FMN2: variants seen among roughly 807,000 people sequenced by gnomAD.
FMN2 encodes the protein formin 2, also known as formin-2.
FMN2 carries 51 observed loss-of-function variants against 142.3 expected under a neutral mutation model. The observed-to-expected ratio is 0.36, with a 90% CI of 0.29 to 0.45. The LOEUF is 0.45. FMN2 is among the 20% of genes least tolerant of loss of function. FMN2 has a pLI of 1.00. For synonymous variants in FMN2, 882 were observed against 869.8 expected (o/e 1.01, Z -0.25); for missense variants, 1,936 against 2,122.8 (o/e 0.91, Z 1.73).
chr1:240,409,583 A>G (rs908318745), intron 15 of FMN2, among the ~76,000 whole-genome samples: 4 of 152,242 alleles, frequency 2.6e-5, no homozygotes, highest in Non-Finnish European at 5.9e-5. Context: ...ATTACAAGAT[A>G]TGAATTCCCA....
chr1:240,331,116 A>T (rs1284720120), intron 11 of FMN2, among the ~76,000 whole-genome samples: 1 of 139,848 alleles, frequency 7.2e-6, no homozygotes, highest in Non-Finnish European at 1.6e-5. Context: ...TATGAATTAG[A>T]CAGTATATCT....
intron 15 of FMN2, among the ~76,000 whole-genome samples, chr1:240,395,720 C>T (rs1400803256): frequency 1.3e-5 from 2 of 152,142 alleles, no homozygotes; most frequent in African/African-American, 4.8e-5. Context: ...AAAATTTGAA[C>T]AGATGAGGAG....
At chr1:240,370,421 T>G (rs1672824764) in intron 14 of FMN2, among the ~76,000 whole-genome samples, 1 of 152,244 alleles carries the variant, frequency 6.6e-6, no homozygotes. Context: ...ACTTACTTGC[T>G]CATTTCTCTA....
At chr1:240,196,740 T>C (rs1371232401) in intron 4 of FMN2, among the ~76,000 whole-genome samples, 1 of 152,182 alleles carries the variant, frequency 6.6e-6, no homozygotes, top group Non-Finnish European at 1.5e-5. Context: ...CTCAAACTCC[T>C]GACCTCAGGC....
At position 240,093,096 on chromosome 1, in the gene FMN2, G is replaced by A; in HGVS notation, c.987G>A (p.Gly329=). 3.6e-6 allele frequency: 5 copies of A among 1,397,676 alleles called. No individual in the cohort carries two copies. Among genetic ancestry groups the A allele is most frequent in the Non-Finnish European group, 3.7e-6 (4 of 1,085,304 alleles). 86.6% of individuals were successfully genotyped at this position (1,397,676 alleles called of 1,614,324 possible). Residue 329 remains glycine, a synonymous_variant, in exon 1 of 18, where the codon GGG becomes GGA. Transcript: ENST00000319653. ...SSTAFPFPEA[G]PGEEAAGAPV... ...CGGCTTTCCCATTTCCCGAGGCCGG[G>A]CCGGGGGAGGAAGCGGCCGGAGCCC... is the stretch of plus-strand genomic sequence containing the variant.
At chr1:240,146,147 G>T (rs1052570794) in intron 2 of FMN2, among the ~76,000 whole-genome samples, 1 of 151,628 alleles carries the variant, frequency 6.6e-6, no homozygotes, top group Non-Finnish European at 1.5e-5. Context: ...ACTTTGGGAG[G>T]CCAAGGTGGG....
At chr1:240,140,556 C>G (rs893911806) in intron 2 of FMN2, among the ~76,000 whole-genome samples, 2 of 151,942 alleles carry the variant, frequency 1.3e-5, no homozygotes, top group African/African-American at 4.8e-5. Flanking sequence ...ACTGCTGGGG[C>G]CTGCTGTTTT....
intron 14 of FMN2, among the ~76,000 whole-genome samples, chr1:240,390,734 A>G (rs1673579106): frequency 1.3e-5 from 2 of 152,196 alleles, no homozygotes; most frequent in Non-Finnish European, 2.9e-5. Context: ...AATCTGCCTA[A>G]AGTCACAGAG....
At chr1:240,220,251 A>G (rs1667054240) in intron 6 of FMN2, among the ~76,000 whole-genome samples, 2 of 152,128 alleles carry the variant, frequency 1.3e-5, no homozygotes, top group Non-Finnish European at 2.9e-5. Flanking sequence ...TAACAGCAAG[A>G]GTCTCTGACA....
intron 7 of FMN2, among the ~76,000 whole-genome samples, chr1:240,261,185 T>G (rs904641281): frequency 6.6e-6 from 1 of 152,198 alleles, no homozygotes; most frequent in African/African-American, 2.4e-5. Context: ...TCAGATAATG[T>G]GATGCTTCCA....
intron 16 of FMN2, among the ~76,000 whole-genome samples, chr1:240,450,377 GATTT>G (rs1432695731): frequency 6.6e-6 from 1 of 151,944 alleles, no homozygotes. Flanking sequence ...ATTCTATTTC[GATTT>G]ACTTTGCTTT....
chr1:240,158,966 T>A (rs1558327833), intron 2 of FMN2, among the ~76,000 whole-genome samples: 1 of 152,168 alleles, frequency 6.6e-6, no homozygotes, highest in Admixed American at 6.5e-5. Context: ...CTGGAACCAA[T>A]AAGAAGATTT....
chr1:240,431,328 A>G (rs547847103), intron 15 of FMN2, among the ~76,000 whole-genome samples: 1 of 151,006 alleles, frequency 6.6e-6, no homozygotes, highest in East Asian at 1.9e-4. Context: ...TTCTGAGTAA[A>G]TTCACTTATT....
At chr1:240,184,392 A>AT (rs543288970) in intron 3 of FMN2, among the ~76,000 whole-genome samples, 1 of 151,498 alleles carries the variant, frequency 6.6e-6, no homozygotes, top group South Asian at 2.1e-4. Context: ...GCCCACCACC[A>AT]GGCCGGCTCA....
chr1:240,136,715 A>G (rs1366897587), intron 2 of FMN2, among the ~76,000 whole-genome samples: 2 of 152,066 alleles, frequency 1.3e-5, no homozygotes, highest in Non-Finnish European at 2.9e-5. Flanking sequence ...AATTAGTTCT[A>G]TTGATGTGAC....
chr1:240,383,312 C>A (rs1457110423), intron 14 of FMN2, among the ~76,000 whole-genome samples: 1 of 152,122 alleles, frequency 6.6e-6, no homozygotes, highest in Non-Finnish European at 1.5e-5. Context: ...AGATAATTGA[C>A]AGAGTAAACA....
chr1:240,429,368 A>G (rs993300124), intron 15 of FMN2, among the ~76,000 whole-genome samples: 2 of 152,076 alleles, frequency 1.3e-5, no homozygotes, highest in African/African-American at 2.4e-5. Flanking sequence ...TTTAGGAACC[A>G]TTTGCAATCT....
intron 1 of FMN2, among the ~76,000 whole-genome samples, chr1:240,108,864 T>C (rs1167223597): frequency 6.6e-5 from 10 of 152,084 alleles, no homozygotes; most frequent in Admixed American, 5.2e-4. Flanking sequence ...GGTGAAACCC[T>C]GTCTCTACTA....
At chr1:240,181,914 A>G (rs1306206923) in intron 3 of FMN2, among the ~76,000 whole-genome samples, 2 of 152,002 alleles carry the variant, frequency 1.3e-5, no homozygotes, top group Non-Finnish European at 2.9e-5. Flanking sequence ...ATGACATCCT[A>G]TTCATCTCTC....
Sources: allele counts gnomAD v4.1 joint callset (sites outside exome capture counted in the v4.1 genomes callset), GRCh38; gene constraint gnomAD v4.1.1; transcripts MANE v1.5; gene names NCBI Gene and HGNC (gene_info 2026-07-23, HGNC 2026-07-21).